The following ZNF236 variants were observed in gnomAD, a reference collection of about 807,000 sequenced individuals.
The protein encoded by ZNF236 is regulated by glucose.
In ZNF236, 50 loss-of-function variants were observed where a neutral mutation model predicts 191.2. The ratio of observed to expected loss-of-function variants is 0.26; its 90% CI spans 0.21 to 0.33. The LOEUF (loss-of-function observed/expected upper bound fraction) is 0.33. ZNF236 is among the 10% of genes least tolerant of loss of function. ZNF236 has a pLI of 1.00. For missense variants in ZNF236, 1,754 were observed against 2,374.5 expected (o/e 0.74, Z 5.43); for synonymous variants, 907 against 928.8 (o/e 0.98, Z 0.43).
chr18:76,953,951 ACCCC>A (rs762237918), intron 27 of ZNF236, among the ~76,000 whole-genome samples: 1 of 151,918 alleles, frequency 6.6e-6, no homozygotes. Context: ...CTACCCTCCC[ACCCC>A]CATGCAGAAT....
In ZNF236 at chr18:76,966,629, G is replaced by A. The variant is rs73968241; in HGVS notation, c.5420-1586G>A. On this transcript the variant is annotated intron_variant, in intron 30 of 30. Transcript: ENST00000320610. ...CTGTCTCGGTGCTCAGGGGCACAGA[G>A]CAAACAGAATCTGCACCAACTGCTC... 5.0e-3 allele frequency among the ~76,000 whole-genome samples: 765 copies of A among 152,268 alleles called. 6 individuals are homozygous for A. Among genetic ancestry groups the A allele is most frequent in the African/African-American group, 0.017 (717 of 41,552 alleles).
chr18:76,954,121 A>T (rs959350927), intron 27 of ZNF236, among the ~76,000 whole-genome samples: 3 of 152,222 alleles, frequency 2.0e-5, no homozygotes, highest in Non-Finnish European at 2.9e-5. Context: ...GTCTCTAGAT[A>T]TGTAGTTATG....
Position 76,919,329 on chromosome 18 carries a change from T to C in ZNF236, c.3275-447T>C, listed in dbSNP as rs1246540250. Among the ~76,000 whole-genome samples the C allele has an allele frequency of 6.6e-6, 1 of 152,216 alleles. No homozygotes were observed. Among genetic ancestry groups the C allele is most frequent in the Non-Finnish European group, 1.5e-5 (1 of 68,040 alleles). On this transcript the variant is annotated intron_variant, in intron 19 of 30. Transcript: ENST00000320610. This position sits in a 1 kb window ranked among gnomAD's most constrained non-coding sequence, Gnocchi z 5.3. ...ACATATTTATGACGCACATGTGATA[T>C]TTTGTTTCATGTATAGAATGTGGAA... is the stretch of plus-strand genomic sequence containing the variant.
chr18:76,883,703 C>T (rs1976965102), intron 9 of ZNF236, among the ~76,000 whole-genome samples: 1 of 152,152 alleles, frequency 6.6e-6, no homozygotes, highest in African/African-American at 2.4e-5. Context: ...GCTGGGATTA[C>T]AGGCATGAGC....
Position 76,915,710 on chromosome 18 carries a change from G to A in ZNF236, c.3125G>A (p.Arg1042Gln). 1 of 1,613,638 alleles carries A rather than the reference G, an allele frequency of 6.2e-7. No individual in the cohort carries two copies. Among genetic ancestry groups the A allele is most frequent in the Non-Finnish European group, 8.5e-7 (1 of 1,179,898 alleles). ...TTCACCACCAATGGCAGCCTCACCC[G>A]GCACATGGCCACACATATGAGCATG... ...ASFTTNGSLT[R>Q]HMATHMSMKP... The change falls in exon 19 of 31, where the codon CGG (arginine) becomes CAG (glutamine). Residue 1042 changes from arginine (R) to glutamine (Q), a missense_variant. Physicochemically the swap from Arg to Gln is conservative, Grantham distance 43 (BLOSUM62 1). This residue lies in a region of ZNF236 where 641 missense variants were observed against 869.6 expected (regional missense o/e 0.74). Transcript: ENST00000320610.
Position 76,907,988 on chromosome 18 carries a change from T to C in ZNF236, c.2298-332T>C, listed in dbSNP as rs12606089. 0.011 allele frequency among the ~76,000 whole-genome samples: 1,720 copies of C among 152,322 alleles called. 72 individuals carry two copies. In the East Asian group the frequency reaches 0.12, roughly 11 times the overall value. ...TATTTTTCTGAATACTTAGACTCATTGCAGAACTTGAGTTGGGAGAGTTTT... is the reference window on the plus strand; with the variant it reads ...TATTTTTCTGAATACTTAGACTCATCGCAGAACTTGAGTTGGGAGAGTTTT... On this transcript the variant is annotated intron_variant, in intron 13 of 30. Coordinates refer to ENST00000320610, the MANE Select transcript of ZNF236 (RefSeq NM_001306089.2).
At chr18:76,870,541 A>G (rs74934585) in intron 4 of ZNF236, among the ~76,000 whole-genome samples, 2,548 of 152,280 alleles carry the variant, frequency 0.017, 30 homozygotes, top group Middle Eastern at 0.02. Context: ...CTTTAGTGAG[A>G]AGATAGGTAG....
intron 1 of ZNF236, among the ~76,000 whole-genome samples, chr18:76,828,951 A>T (rs1038272031): frequency 6.6e-6 from 1 of 151,248 alleles, no homozygotes; most frequent in South Asian, 2.1e-4. Flanking sequence ...TGTGTGAGCC[A>T]CCGTGGAGTC....
chr18:76,829,380 T>G, intron 1 of ZNF236, among the ~76,000 whole-genome samples: 1 of 149,020 alleles, frequency 6.7e-6, no homozygotes. Context: ...CAGGCTGGAG[T>G]GCAGTGCTAT....
intron 1 of ZNF236, among the ~76,000 whole-genome samples, chr18:76,836,489 T>C (rs1975328496): frequency 6.6e-6 from 1 of 152,220 alleles, no homozygotes; most frequent in South Asian, 2.1e-4. Flanking sequence ...TAGCTGGGAC[T>C]GCAGGTGTGA....
At chr18:76,930,283 A>G (rs1257003775) in intron 25 of ZNF236, among the ~76,000 whole-genome samples, 1 of 152,244 alleles carries the variant, frequency 6.6e-6, no homozygotes, top group African/African-American at 2.4e-5. Flanking sequence ...GTAGGTCACT[A>G]TAAAGCAATC....
At chr18:76,902,537 G>A (rs1455290389) in intron 11 of ZNF236, among the ~76,000 whole-genome samples, 1 of 151,652 alleles carries the variant, frequency 6.6e-6, no homozygotes, top group Admixed American at 6.6e-5. Flanking sequence ...TAGGGAAGGT[G>A]GTAGGCACGG....
At position 76,964,758 on chromosome 18, in the gene ZNF236, G is replaced by T. The variant is rs541106933; in HGVS notation, c.5420-3457G>T. 2.6e-5 allele frequency among the ~76,000 whole-genome samples: 4 copies of T among 152,236 alleles called. No individual in the cohort carries two copies. In the East Asian group the frequency reaches 7.7e-4, roughly 29 times the overall value. ...TTGGGAGCTCCAGTGTTAGGTGCAT[G>T]TATGTTTAGGATTGTGGTATTTTCC... On this transcript the variant is annotated intron_variant, in intron 30 of 30. Transcript: ENST00000320610.
In ZNF236 at chr18:76,923,177, A is replaced by G; in HGVS notation, c.3661+3A>G. ...TTGTCATGTGAAGACTCACACAGGT[A>G]AGGAAAACATGCCTGCGTCATTGGT... On this transcript the variant is annotated splice_donor_region_variant and intron_variant, in intron 21 of 30. Coordinates refer to ENST00000320610, the MANE Select transcript of ZNF236 (RefSeq NM_001306089.2). 1.3e-6 allele frequency: 2 copies of G among 1,596,384 alleles called. No homozygotes were observed. The highest frequency in any genetic ancestry group is 1.7e-6 in the Non-Finnish European group (2 of 1,163,838).
intron 27 of ZNF236, 63 bp downstream of exon 27, chr18:76,947,715 G>A: frequency 6.4e-7 from 1 of 1,569,054 alleles, no homozygotes; most frequent in Non-Finnish European, 8.7e-7. Flanking sequence ...GATTCAGAAG[G>A]GATGGTGGTA....
chr18:76,956,904 G>A (rs1968537946), intron 28 of ZNF236, among the ~76,000 whole-genome samples: 1 of 152,198 alleles, frequency 6.6e-6, no homozygotes, highest in Admixed American at 6.5e-5. Context: ...CCAGCCCAGC[G>A]GCCGTGGGCA....
intron 1 of ZNF236, among the ~76,000 whole-genome samples, chr18:76,826,326 G>A (rs1257290906): frequency 7.1e-6 from 1 of 140,360 alleles, no homozygotes; most frequent in East Asian, 2.1e-4. Flanking sequence ...GTTTCACCAT[G>A]TTGATCAGGC....
chr18:76,836,242 T>A (rs1975321220), intron 1 of ZNF236, among the ~76,000 whole-genome samples: 2 of 151,666 alleles, frequency 1.3e-5, no homozygotes, highest in South Asian at 4.1e-4. Flanking sequence ...TTTGAGGCAG[T>A]GTCTCACTCT....
chr18:76,927,925 A>G lies in ZNF236; in HGVS notation c.4415-2A>G. On this transcript the variant is annotated splice_acceptor_variant, in intron 24 of 30. Transcript: ENST00000320610. LOFTEE classifies it high-confidence loss of function. The surrounding 1 kb of genome is among the most constrained non-coding windows in gnomAD (Gnocchi z 5.4). ...TTTGTTTTGCTTTGTAATGACAATC[A>G]GGGACCCAAGACCTCACTCAAGTGA... is the stretch of plus-strand genomic sequence containing the variant. 6.4e-7 allele frequency: 1 copy of G among 1,564,682 alleles called. No homozygotes were observed. The highest frequency in any genetic ancestry group is 8.6e-7 in the Non-Finnish European group (1 of 1,156,910).
Sources: gnomAD v4.1 joint callset for allele counts (sites outside exome capture counted in the v4.1 genomes callset) on GRCh38, gnomAD v4.1.1 for gene constraint, gnomAD v4.1.1 regional missense constraint, Gnocchi (gnomAD v3.1) non-coding constraint, MANE v1.5 for transcripts, NCBI Gene and HGNC (gene_info 2026-07-23, HGNC 2026-07-21) for gene names.